Variants in CACTIN observed in about 807,000 individuals in gnomAD.
CACTIN encodes splicing factor Cactin.
Under a neutral mutation model 84.9 loss-of-function variants are expected in CACTIN, and 20 were observed. The observed-to-expected ratio is 0.24, with a 90% CI of 0.17 to 0.34. The LOEUF is 0.34. CACTIN is among the 10% of genes least tolerant of loss of function. The pLI is 1.00. For missense variants in CACTIN, 897 were observed against 1,117.2 expected (o/e 0.80, Z 2.81); for synonymous variants, 549 against 467.9 (o/e 1.17, Z -2.24).
chr19:3,620,288 G>C lies in CACTIN; in HGVS notation c.739-16C>G. ...GCTGCTTCACCTGCAGGCACAGGAG[G>C]CTGAGGGCAGCGGGGACCGTGCGGT... is the stretch of plus-strand genomic sequence containing the variant. On this transcript the variant is annotated splice_polypyrimidine_tract_variant and intron_variant, in intron 3 of 9. Transcript: ENST00000429344. The C allele has an allele frequency of 6.4e-7, 1 of 1,551,398 alleles. No individual in the cohort carries two copies.
intron 6 of CACTIN, among the ~76,000 whole-genome samples, chr19:3,617,356 G>C (rs541176568): frequency 1.3e-5 from 2 of 152,368 alleles, no homozygotes; most frequent in East Asian, 1.9e-4. Flanking sequence ...TCTCCAGGGG[G>C]ACAGCAAAGT....
rs768663227 is a variant in CACTIN at position 3,612,939 on chromosome 19, G to C, written c.1786+119C>G. 77 of 1,226,252 alleles carry C rather than the reference G, an allele frequency of 6.3e-5. No homozygotes were observed. The South Asian group carries it at 8.3e-4, about 13-fold the overall frequency. The allele number at this position is 1,226,252 out of a possible 1,614,324, so 76.0% of individuals were successfully genotyped here. On this transcript the variant is annotated intron_variant, in intron 9 of 9. Transcript: ENST00000429344. The stretch of plus-strand genomic sequence containing the variant: ...AATGCACGCTCAGAGACCCGGGGGA[G>C]AAGCAGCAAGCAGCTCCCCACTGAC...
intron 9 of CACTIN, chr19:3,612,774 C>T (rs1221574409): frequency 1.3e-5 from 9 of 700,412 alleles, no homozygotes; most frequent in East Asian, 2.7e-5. Flanking sequence ...GTATTTTCTC[C>T]TCTGTCTTAG....
Position 3,613,260 on chromosome 19 carries a change from G to A in CACTIN, c.1584C>T (p.Asp528=), listed in dbSNP as rs745635339. The A allele has an allele frequency of 1.9e-6, 3 of 1,608,580 alleles. No individual in the cohort carries two copies. The highest frequency in any genetic ancestry group is 1.1e-5 in the South Asian group (1 of 90,992). Residue 528 remains aspartate, a synonymous_variant, in exon 9 of 10, where the codon GAC becomes GAT. Transcript: ENST00000429344. ...CCTCGCCCTCGCCCTCACCGTCCCCGTCGCCGTCGCCCTCTGTCGGGGTCG... is the reference window on the plus strand; with the variant it reads ...CCTCGCCCTCGCCCTCACCGTCCCCATCGCCGTCGCCCTCTGTCGGGGTCG... ...DGATPTEGDG[D]GDGEGEGEGE...
Position 3,611,543 on chromosome 19 carries a change from GGCC to G in CACTIN, c.*377_*379del, listed in dbSNP as rs1233661051. On this transcript the variant is annotated 3_prime_UTR_variant, in exon 10 of 10. Transcript: ENST00000429344. ...GGCCCATCTCCACAACACCCTGTGT[GGCC>G]GCCACTTGGGGCAGGCCCTGTGGGC... 2.7e-6 allele frequency: 1 copy of G among 366,894 alleles called. No individual in the cohort carries two copies. Among genetic ancestry groups the G allele is most frequent in the African/African-American group, 2.1e-5 (1 of 47,200 alleles). The allele number at this position is 366,894 out of a possible 1,614,324, so 22.7% of individuals were successfully genotyped here.
Position 3,614,450 on chromosome 19 carries a change from C to T in CACTIN, c.1302G>A (p.Met434Ile), listed in dbSNP as rs1443754807. 24 of 1,596,156 alleles carry T rather than the reference C, an allele frequency of 1.5e-5. No individual in the cohort carries two copies. The highest frequency in any genetic ancestry group is 1.9e-5 in the Non-Finnish European group (22 of 1,171,598). ...GCTGCAGGAGGCTCTCCCAGTAGCC[C>T]ATGTCCAGGTTGGGGCCACCAGCGC... ...KIRAGGPNLD[M>I]GYWESLLQQL... Residue 434 changes from methionine (M) to isoleucine (I), a missense_variant, in exon 7 of 10, where the codon ATG becomes ATA. Coordinates refer to ENST00000429344, the MANE Select transcript of CACTIN (RefSeq NM_001080543.2).
Position 3,612,304 on chromosome 19 carries a change from G to A in CACTIN, c.1896C>T (p.Tyr632=). ...SVEMPLTGKA[Y]LWADKYRPRK... ...GTGGCCGGTACTTGTCGGCCCACAG[G>A]TAGGCCTTGCCGGTGAGTGGCATCT... The change falls in exon 10 of 10, where the codon TAC becomes TAT. Residue 632 remains tyrosine, a synonymous_variant. Transcript: ENST00000429344. 1 of 1,612,930 alleles carries A rather than the reference G, an allele frequency of 6.2e-7. No individual in the cohort carries two copies. Among genetic ancestry groups the A allele is most frequent in the East Asian group, 2.2e-5 (1 of 44,884 alleles).
Position 3,620,802 on chromosome 19 carries a change from C to A in CACTIN, c.643G>T (p.Ala215Ser). The A allele has an allele frequency of 4.3e-6, 7 of 1,612,350 alleles. No individual in the cohort carries two copies. Among genetic ancestry groups the A allele is most frequent in the Non-Finnish European group, 5.9e-6 (7 of 1,179,472 alleles). ...NLLGTFIWNKALEKKGISHLE... is the reference protein window; with the variant it reads ...NLLGTFIWNKSLEKKGISHLE... ...TGGCTGATCCCCTTCTTCTCCAGGG[C>A]CTGGAAGCACCAGGCACACCTGCCC... Residue 215 changes from alanine to serine, a missense_variant and splice_region_variant, in exon 3 of 10, where the codon GCC (alanine) becomes TCC (serine). By Grantham distance (99) the Ala-to-Ser change is moderately conservative (BLOSUM62 1). Around this residue, in one of 8 missense-constraint regions of CACTIN, gnomAD observed 304 missense variants for 444.3 expected, o/e 0.68. Coordinates refer to ENST00000429344, the MANE Select transcript of CACTIN (RefSeq NM_001080543.2).
intron 3 of CACTIN, 46 bp from the exon 4 acceptor site, chr19:3,620,318 A>T: frequency 6.5e-7 from 1 of 1,534,690 alleles, no homozygotes; most frequent in Non-Finnish European, 8.7e-7. Flanking sequence ...TGCGGTCTGC[A>T]GGGCTGCGGG....
Position 3,612,378 on chromosome 19 carries a change from G to A in CACTIN, c.1822C>T (p.Arg608Trp), listed in dbSNP as rs374408117. The A allele has an allele frequency of 7.8e-5, 125 of 1,605,006 alleles. 1 individual carries two copies. The African/African-American group carries it at 1.5e-3, about 19-fold the overall frequency. ...TGGCCCATGCCCTCCTTGGCCCGCC[G>A]GAAGAAGATGTCCTCGGCGCTCTCG... ...ASESAEDIFF[R>W]RAKEGMGQDE... is the part of the protein sequence containing the mutation. The change falls in exon 10 of 10, where the codon CGG becomes TGG. Residue 608 changes from arginine (R) to tryptophan (W), a missense_variant. Arg to Trp is a moderately radical substitution (Grantham distance 101, BLOSUM62 -3). Around this residue, in one of 8 missense-constraint regions of CACTIN, gnomAD observed 243 missense variants for 239.9 expected, o/e 1.01. Coordinates refer to ENST00000429344, the MANE Select transcript of CACTIN (RefSeq NM_001080543.2).
At chr19:3,613,023 T>C (rs769711377) in intron 9 of CACTIN, 35 bp downstream of exon 9, 92 of 1,134,682 alleles carry the variant, frequency 8.1e-5, no homozygotes, top group Non-Finnish European at 1.0e-4. Context: ...CTCGCCCCAC[T>C]GGCCCCACCC....
At position 3,613,104 on chromosome 19, in the gene CACTIN, C is replaced by A; in HGVS notation, c.1740G>T (p.Glu580Asp). ...GCGAGAGCTGCAGGCGCTGCAGGTC[C>A]TCATCCGGTTCCAGCACGTGCGCGT... ...PLDAHVLEPDEDLQRLQLSRQ... is the reference protein window; with the variant it reads ...PLDAHVLEPDDDLQRLQLSRQ... Residue 580 changes from glutamate (E) to aspartate (D), a missense_variant, in exon 9 of 10, where the codon GAG (glutamate) becomes GAT (aspartate). Glu to Asp is a conservative substitution (Grantham distance 45). Around this residue, in one of 8 missense-constraint regions of CACTIN, gnomAD observed 243 missense variants for 239.9 expected, o/e 1.01. Transcript: ENST00000429344. 1 of 1,600,284 alleles carries A rather than the reference C, an allele frequency of 6.2e-7. No homozygotes were observed.
Position 3,613,271 on chromosome 19 carries a change from C to A in CACTIN, c.1573G>T (p.Gly525Cys). 6.2e-7 allele frequency: 1 copy of A among 1,607,900 alleles called. No individual in the cohort carries two copies. ...AEVDGATPTE[G>C]DGDGDGEGEG... is the part of the protein sequence containing the mutation. Reference sequence around the variant, plus strand: ...CCCTCACCGTCCCCGTCGCCGTCGCCCTCTGTCGGGGTCGCGCCGTCCACC... The same window carrying A: ...CCCTCACCGTCCCCGTCGCCGTCGCACTCTGTCGGGGTCGCGCCGTCCACC... The change falls in exon 9 of 10, where the codon GGC (glycine) becomes TGC (cysteine). Residue 525 changes from glycine (G) to cysteine (C), a missense_variant. Physicochemically the swap from Gly to Cys is radical, Grantham distance 159. This residue lies in a region of CACTIN where 243 missense variants were observed against 239.9 expected (regional missense o/e 1.01). Transcript: ENST00000429344.
At chr19:3,618,072 T>C (rs2033142178) in intron 6 of CACTIN, among the ~76,000 whole-genome samples, 1 of 151,696 alleles carries the variant, frequency 6.6e-6, no homozygotes, top group Non-Finnish European at 1.5e-5. Flanking sequence ...ACCGGGTCTA[T>C]CGACAGGGAT....
Position 3,610,822 on chromosome 19 carries a change from G to C in CACTIN, c.*1101C>G. 1 of 456,838 alleles carries C rather than the reference G, an allele frequency of 2.2e-6. No homozygotes were observed. Among genetic ancestry groups the C allele is most frequent in the Non-Finnish European group, 4.4e-6 (1 of 226,992 alleles). The allele number at this position is 456,838 out of a possible 1,614,324, so 28.3% of individuals were successfully genotyped here. On this transcript the variant is annotated 3_prime_UTR_variant, in exon 10 of 10. Transcript: ENST00000429344. Reference sequence around the variant, plus strand: ...GTGGGTGGTCTGGGGCTGGTGACTGGTGAGGTTGGGTGGCCCTCTGGGGGT... The same window carrying C: ...GTGGGTGGTCTGGGGCTGGTGACTGCTGAGGTTGGGTGGCCCTCTGGGGGT...
In CACTIN at chr19:3,623,897, G is replaced by T. The variant is rs768644417; in HGVS notation, c.433C>A (p.Arg145=). 1 of 1,606,618 alleles carries T rather than the reference G, an allele frequency of 6.2e-7. No homozygotes were observed. The highest frequency in any genetic ancestry group is 2.2e-5 in the East Asian group (1 of 44,874). Residue 145 remains arginine, a synonymous_variant, in exon 2 of 10, where the codon CGG becomes AGG. Transcript: ENST00000429344. ...SQQQSLQERL[R]LREERKQQEE... The stretch of plus-strand genomic sequence containing the variant: ...TGCTGCTTCCGCTCCTCCCGCAGCC[G>T]CAGCCGCTCCTGCAGGCTCTGCTGC...
At chr19:3,614,907 G>T in intron 6 of CACTIN, 1 of 432,850 alleles carries the variant, frequency 2.3e-6, no homozygotes, top group Non-Finnish European at 4.3e-6. Flanking sequence ...CTGATATGTG[G>T]GTCTGGGAAC....
intron 7 of CACTIN, 54 bp downstream of exon 7, chr19:3,614,343 G>A (rs771803227): frequency 1.6e-5 from 24 of 1,528,748 alleles, no homozygotes; most frequent in Middle Eastern, 2.0e-4. Flanking sequence ...AGGAGGGGGC[G>A]AAACCCATCC....
At chr19:3,620,028 G>T in intron 4 of CACTIN, 99 bp downstream of exon 4, 1 of 1,420,512 alleles carries the variant, frequency 7.0e-7, no homozygotes, top group Non-Finnish European at 9.6e-7. Flanking sequence ...TGCCGTGTGG[G>T]ACCCTGAAGG....
Sources: gnomAD v4.1 joint callset for allele counts (sites outside exome capture counted in the v4.1 genomes callset) on GRCh38, gnomAD v4.1.1 for gene constraint, gnomAD v4.1.1 regional missense constraint, MANE v1.5 for transcripts, NCBI Gene and HGNC (gene_info 2026-07-23, HGNC 2026-07-21) for gene names.